Variants in ASTN2 observed in about 807,000 individuals in gnomAD.
ASTN2 encodes the protein astrotactin-2.
Under a neutral mutation model 139.8 loss-of-function variants are expected in ASTN2, and 54 were observed. That is an observed-to-expected ratio of 0.39 (90% CI 0.31 to 0.48). The LOEUF (loss-of-function observed/expected upper bound fraction) is 0.48, where lower values mean the gene tolerates loss of function less well. ASTN2 is among the 20% of genes least tolerant of loss of function. The pLI is 0.95. For missense variants in ASTN2, 1,565 were observed against 1,725.1 expected (o/e 0.91, Z 1.64); for synonymous variants, 756 against 719.5 (o/e 1.05, Z -0.81).
In ASTN2 at chr9:117,414,636, G is replaced by T; in HGVS notation, c.303C>A (p.Ala101=). The T allele has an allele frequency of 7.1e-7, 1 of 1,401,536 alleles. No individual in the cohort carries two copies. Among genetic ancestry groups the T allele is most frequent in the Non-Finnish European group, 9.2e-7 (1 of 1,082,546 alleles). 86.8% of individuals were successfully genotyped at this position (1,401,536 alleles called of 1,614,324 possible). Residue 101 remains alanine, a synonymous_variant, in exon 1 of 23, where the codon GCC becomes GCA. Coordinates refer to ENST00000313400, the MANE Select transcript of ASTN2 (RefSeq NM_001365068.1). This position sits in a 1 kb window ranked among gnomAD's most constrained non-coding sequence, Gnocchi z 4.2. The stretch of plus-strand genomic sequence containing the variant: ...AGCCAGGAGAGCCCGGGGACGCGGC[G>T]GCGGCGGCGGCTCCGGCCCCGGTCC... ...GAGTGAGAAA[A]AASPGSPGSA...
At chr9:117,038,478 C>A (rs569901350) in intron 6 of ASTN2, among the ~76,000 whole-genome samples, 71 of 151,066 alleles carry the variant, frequency 4.7e-4, no homozygotes, top group Non-Finnish European at 8.7e-4. Flanking sequence ...TGTTACATGT[C>A]CTTATCACAA....
intron 13 of ASTN2, among the ~76,000 whole-genome samples, chr9:116,737,931 G>A (rs868629990): frequency 1.3e-5 from 2 of 152,034 alleles, no homozygotes; most frequent in Non-Finnish European, 2.9e-5. Flanking sequence ...GGTGGCTCAC[G>A]CCTGTAATCC....
At chr9:116,923,277 AC>A (rs965521390) in intron 10 of ASTN2, among the ~76,000 whole-genome samples, 16 of 152,172 alleles carry the variant, frequency 1.1e-4, no homozygotes, top group African/African-American at 3.9e-4. Context: ...GGAGGTTATC[AC>A]CACAGCCAGC....
intron 20 of ASTN2, among the ~76,000 whole-genome samples, chr9:116,458,711 T>G (rs1388820669): frequency 1.3e-5 from 2 of 151,776 alleles, no homozygotes; most frequent in Non-Finnish European, 2.9e-5. Flanking sequence ...AAAAGAAGCA[T>G]AAGACTTGAA....
chr9:117,231,021 A>G (rs1166900911), intron 2 of ASTN2, among the ~76,000 whole-genome samples: 6 of 152,164 alleles, frequency 3.9e-5, no homozygotes, highest in Non-Finnish European at 1.5e-5. Flanking sequence ...TCTGGCCTTT[A>G]AATAAGCCTG....
intron 1 of ASTN2, among the ~76,000 whole-genome samples, chr9:117,371,664 C>T (rs891055683): frequency 1.3e-5 from 2 of 152,042 alleles, no homozygotes; most frequent in African/African-American, 2.4e-5. Flanking sequence ...ATAGGGTTGT[C>T]GTGAGGATTA....
chr9:116,501,427 C>T lies in ASTN2; in HGVS notation c.3356-13927G>A, dbSNP rs201022085. On this transcript the variant is annotated intron_variant, in intron 19 of 22. Coordinates refer to ENST00000313400, the MANE Select transcript of ASTN2 (RefSeq NM_001365068.1). Reference sequence around the variant, plus strand: ...GGTGAATAGTGCCGCAATAAACATACGTGTGCATGTGTCTTTATAGCAGCA... The same window carrying T: ...GGTGAATAGTGCCGCAATAAACATATGTGTGCATGTGTCTTTATAGCAGCA... Among the ~76,000 whole-genome samples, 182 of 152,226 alleles carry T rather than the reference C, an allele frequency of 1.2e-3. 5 individuals carry two copies. The East Asian group carries it at 0.027, about 22-fold the overall frequency.
At chr9:116,729,400 C>T (rs1445058479) in intron 14 of ASTN2, among the ~76,000 whole-genome samples, 1 of 152,190 alleles carries the variant, frequency 6.6e-6, no homozygotes, top group Admixed American at 6.5e-5. Flanking sequence ...AGGCACTAGA[C>T]ATCCCAGTGC....
At chr9:116,630,634 T>C (rs1343436629) in intron 17 of ASTN2, among the ~76,000 whole-genome samples, 1 of 152,120 alleles carries the variant, frequency 6.6e-6, no homozygotes, top group Non-Finnish European at 1.5e-5. Context: ...AATAGATTCA[T>C]GTTGGTCTGG....
intron 3 of ASTN2, among the ~76,000 whole-genome samples, chr9:117,167,222 C>T (rs1830689039): frequency 6.6e-6 from 1 of 152,112 alleles, no homozygotes; most frequent in Admixed American, 6.6e-5. Context: ...CATCTGTCAT[C>T]AGTTTATCTA....
intron 17 of ASTN2, among the ~76,000 whole-genome samples, chr9:116,644,016 G>A (rs1206344929): frequency 6.6e-6 from 1 of 152,130 alleles, no homozygotes; most frequent in African/African-American, 2.4e-5. Context: ...CACACAGTAG[G>A]CAACCAATGC....
At chr9:116,861,635 T>A (rs554007377) in intron 11 of ASTN2, among the ~76,000 whole-genome samples, 4 of 152,320 alleles carry the variant, frequency 2.6e-5, no homozygotes, top group African/African-American at 9.6e-5. Flanking sequence ...CTCAGGGCCA[T>A]GCATTTCAGG....
At chr9:117,265,206 C>G (rs141000802) in intron 2 of ASTN2, among the ~76,000 whole-genome samples, 2 of 152,114 alleles carry the variant, frequency 1.3e-5, no homozygotes, top group Non-Finnish European at 2.9e-5. Context: ...AGTTAGGAAA[C>G]AAGGCAGGGA....
At chr9:116,789,575 A>T (rs115152987) in intron 13 of ASTN2, among the ~76,000 whole-genome samples, 2,364 of 152,328 alleles carry the variant, frequency 0.016, 63 homozygotes, top group African/African-American at 0.047. Context: ...CATCCAATAA[A>T]CTGTGATCAT....
rs184390025 is a variant in ASTN2 at position 117,169,457 on chromosome 9, T to C, written c.1016-27979A>G. On this transcript the variant is annotated intron_variant, in intron 3 of 22. Coordinates refer to ENST00000313400, the MANE Select transcript of ASTN2 (RefSeq NM_001365068.1). The stretch of plus-strand genomic sequence containing the variant: ...TCTGCTTTTCCCTTTCCTGCCACAA[T>C]TGCACAGCTTAGCTTTCATTTGCTT... 1.3e-4 allele frequency among the ~76,000 whole-genome samples: 20 copies of C among 152,318 alleles called. No homozygotes were observed. In the East Asian group the frequency reaches 3.3e-3, roughly 25 times the overall value.
At chr9:116,780,241 A>G (rs1478567422) in intron 13 of ASTN2, among the ~76,000 whole-genome samples, 1 of 152,238 alleles carries the variant, frequency 6.6e-6, no homozygotes, top group Non-Finnish European at 1.5e-5. Flanking sequence ...AGGAGGTTGA[A>G]AAGAAAAATA....
At chr9:116,781,994 G>T (rs1033261610) in intron 13 of ASTN2, among the ~76,000 whole-genome samples, 4 of 152,082 alleles carry the variant, frequency 2.6e-5, no homozygotes, top group African/African-American at 9.7e-5. Context: ...AACCCCAGTT[G>T]GTCTAACTCC....
At chr9:117,363,520 G>T (rs1222198485) in intron 1 of ASTN2, among the ~76,000 whole-genome samples, 1 of 152,132 alleles carries the variant, frequency 6.6e-6, no homozygotes, top group Non-Finnish European at 1.5e-5. Context: ...CCTTTATGGA[G>T]ACACAAGCAC....
At chr9:117,056,414 T>C (rs905699938) in intron 5 of ASTN2, among the ~76,000 whole-genome samples, 5 of 152,184 alleles carry the variant, frequency 3.3e-5, no homozygotes, top group African/African-American at 7.2e-5. Flanking sequence ...ACACATGGTA[T>C]GTGCCAGACC....
Sources: allele counts gnomAD v4.1 joint callset (sites outside exome capture counted in the v4.1 genomes callset), GRCh38; gene constraint gnomAD v4.1.1; non-coding constraint Gnocchi (gnomAD v3.1); transcripts MANE v1.5; gene names NCBI Gene and HGNC (gene_info 2026-07-23, HGNC 2026-07-21).